Variants in FOXJ3 observed in about 807,000 individuals in gnomAD.
FOXJ3 encodes the protein forkhead box protein J3.
Under a neutral mutation model 76.1 loss-of-function variants are expected in FOXJ3, and 22 were observed. That is an observed-to-expected ratio of 0.29 (90% CI 0.21 to 0.41). The LOEUF is 0.41. FOXJ3 is among the 10% of genes least tolerant of loss of function. The probability of loss-of-function intolerance (pLI) is 1.00; values close to 1 mark genes in which losing one functional copy is unlikely to be tolerated. For synonymous variants in FOXJ3, 269 were observed against 261.2 expected (o/e 1.03, Z -0.29); for missense variants, 613 against 762.1 (o/e 0.80, Z 2.30).
At chr1:42,245,829 A>C (rs1649508090) in intron 4 of FOXJ3, among the ~76,000 whole-genome samples, 2 of 152,192 alleles carry the variant, frequency 1.3e-5, no homozygotes, top group Admixed American at 1.3e-4. Flanking sequence ...TCAGGCAAGA[A>C]AAGGAAACAA....
At chr1:42,263,808 A>C (rs1651247209) in intron 4 of FOXJ3, among the ~76,000 whole-genome samples, 1 of 152,156 alleles carries the variant, frequency 6.6e-6, no homozygotes, top group Admixed American at 6.6e-5. Context: ...GCCACTGTGC[A>C]AGCAACTGGG....
chr1:42,207,489 C>T (rs910827205), intron 5 of FOXJ3, among the ~76,000 whole-genome samples: 5 of 152,084 alleles, frequency 3.3e-5, no homozygotes, highest in Non-Finnish European at 5.9e-5. Context: ...GTTTTTATTG[C>T]TTTATTGAGC....
rs116083355 is a variant in FOXJ3, at chr1:42,259,711, C to T, written c.444+5404G>A. Among the ~76,000 whole-genome samples, 696 of 152,316 alleles carry T rather than the reference C, an allele frequency of 4.6e-3. 13 individuals are homozygous for T. Among genetic ancestry groups the T allele is most frequent in the African/African-American group, 0.016 (662 of 41,566 alleles). ...TCACATTCATAATTCACCTCTGTCT[C>T]GACAATCACTCAATGGCACTAATCC... On this transcript the variant is annotated intron_variant, in intron 4 of 12. Coordinates refer to ENST00000361346, the MANE Select transcript of FOXJ3 (RefSeq NM_014947.5).
chr1:42,327,530 C>T (rs991374304), intron 1 of FOXJ3, among the ~76,000 whole-genome samples: 1 of 152,180 alleles, frequency 6.6e-6, no homozygotes, highest in Non-Finnish European at 1.5e-5. Flanking sequence ...CTACTTCCAT[C>T]ATATTGAATC....
chr1:42,315,186 G>A (rs1655033696), intron 1 of FOXJ3, among the ~76,000 whole-genome samples: 1 of 152,234 alleles, frequency 6.6e-6, no homozygotes, highest in Admixed American at 6.5e-5. Flanking sequence ...GGGGAAGAGA[G>A]GAAGATTGCA....
chr1:42,305,834 T>C (rs1439995248), intron 2 of FOXJ3, among the ~76,000 whole-genome samples: 2 of 152,200 alleles, frequency 1.3e-5, no homozygotes, highest in African/African-American at 2.4e-5. Flanking sequence ...AATAATTTAA[T>C]TGTACATTTT....
At chr1:42,208,047 A>C (rs775687025) in intron 5 of FOXJ3, among the ~76,000 whole-genome samples, 11 of 152,220 alleles carry the variant, frequency 7.2e-5, no homozygotes, top group Admixed American at 2.0e-4. Context: ...GGAAAAGGGA[A>C]ACTTTTGTTA....
chr1:42,254,715 C>CA (rs1349831243), intron 4 of FOXJ3, among the ~76,000 whole-genome samples: 2 of 141,798 alleles, frequency 1.4e-5, no homozygotes, highest in Non-Finnish European at 3.0e-5. Context: ...ATCGCAAGGA[C>CA]AAAAAACCAA....
intron 1 of FOXJ3, among the ~76,000 whole-genome samples, chr1:42,312,210 A>G (rs1480485029): frequency 6.6e-6 from 1 of 152,128 alleles, no homozygotes; most frequent in Admixed American, 6.5e-5. Context: ...TTTACCTGCA[A>G]TCTCTTGATT....
At chr1:42,215,535 C>A (rs1647047970) in intron 5 of FOXJ3, among the ~76,000 whole-genome samples, 4 of 151,366 alleles carry the variant, frequency 2.6e-5, no homozygotes, top group Admixed American at 2.0e-4. Flanking sequence ...GAGAAAAGGG[C>A]AGAAAAAAAT....
intron 2 of FOXJ3, among the ~76,000 whole-genome samples, chr1:42,308,445 C>T (rs1189800084): frequency 6.6e-6 from 1 of 152,094 alleles, no homozygotes; most frequent in Non-Finnish European, 1.5e-5. Flanking sequence ...TACTGGCTTC[C>T]ACTAAGAAAA....
intron 2 of FOXJ3, among the ~76,000 whole-genome samples, chr1:42,294,928 T>C (rs1557705664): frequency 6.6e-6 from 1 of 152,236 alleles, no homozygotes; most frequent in African/African-American, 2.4e-5. Flanking sequence ...TCATCAATTC[T>C]TAGTTCCATT....
intron 1 of FOXJ3, among the ~76,000 whole-genome samples, chr1:42,317,514 T>TAA (rs11365048): frequency 4.6e-3 from 492 of 106,346 alleles, no homozygotes; most frequent in Middle Eastern, 0.026. Context: ...AGAGAAACCA[T>TAA]AAAAAAAAAA....
In FOXJ3 at chr1:42,223,396, C is replaced by G. The variant is rs114568427; in HGVS notation, c.528+4487G>C. On this transcript the variant is annotated intron_variant, in intron 5 of 12. Coordinates refer to ENST00000361346, the MANE Select transcript of FOXJ3 (RefSeq NM_014947.5). ...TCCTGATCTCATAACTTTAGTTTAT[C>G]TAACCAAATCTGTCCACCCCTTATC... Among the ~76,000 whole-genome samples the G allele has an allele frequency of 4.1e-3, 629 of 152,290 alleles. 3 individuals are homozygous for G. Among genetic ancestry groups the G allele is most frequent in the African/African-American group, 0.014 (586 of 41,552 alleles).
intron 3 of FOXJ3, among the ~76,000 whole-genome samples, chr1:42,270,171 T>C (rs1417133105): frequency 1.3e-5 from 2 of 152,204 alleles, no homozygotes; most frequent in African/African-American, 4.8e-5. Flanking sequence ...CTCCATCTTC[T>C]TTACCTAAAT....
At chr1:42,293,002 G>A (rs1042500688) in intron 2 of FOXJ3, among the ~76,000 whole-genome samples, 10 of 152,132 alleles carry the variant, frequency 6.6e-5, no homozygotes, top group African/African-American at 2.4e-4. Flanking sequence ...TCAGGAGGCC[G>A]AGACAAGACG....
At chr1:42,180,859 C>T (rs1646304475) in intron 12 of FOXJ3, among the ~76,000 whole-genome samples, 1 of 152,218 alleles carries the variant, frequency 6.6e-6, no homozygotes. Flanking sequence ...GGTTAGGTAG[C>T]TTGCCTAATA....
intron 1 of FOXJ3, among the ~76,000 whole-genome samples, chr1:42,330,828 A>T (rs1656115779): frequency 6.6e-6 from 1 of 152,228 alleles, no homozygotes. Context: ...AACCCTAAGC[A>T]GGTCACCTAA....
chr1:42,213,295 A>T (rs1033376276), intron 5 of FOXJ3, among the ~76,000 whole-genome samples: 23 of 152,004 alleles, frequency 1.5e-4, no homozygotes, highest in Non-Finnish European at 2.9e-4. Context: ...GAATGGATTT[A>T]AAAAAAATCA....
Sources: allele counts gnomAD v4.1 joint callset (sites outside exome capture counted in the v4.1 genomes callset), GRCh38; gene constraint gnomAD v4.1.1; transcripts MANE v1.5; gene names NCBI Gene and HGNC (gene_info 2026-07-23, HGNC 2026-07-21).